SYN3: variants seen among roughly 807,000 people sequenced by gnomAD.
The protein encoded by SYN3 is synapsin III, also known as synapsin-3.
SYN3 carries 35 observed loss-of-function variants against 65.8 expected under a neutral mutation model. The ratio of observed to expected loss-of-function variants is 0.53; its 90% confidence interval spans 0.41 to 0.70. The LOEUF (loss-of-function observed/expected upper bound fraction) is 0.70, where lower values mean the gene tolerates loss of function less well. Ranked by LOEUF, SYN3 falls within the 30% of genes least tolerant of loss-of-function variation. SYN3 has a pLI of 0.00. For missense variants in SYN3, 680 were observed against 749.0 expected (o/e 0.91, Z 1.08); for synonymous variants, 270 against 292.9 (o/e 0.92, Z 0.80).
chr22:32,630,653 A>G (rs1192192815), intron 6 of SYN3, among the ~76,000 whole-genome samples: 1 of 152,230 alleles, frequency 6.6e-6, no homozygotes, highest in African/African-American at 2.4e-5. Context: ...AGATCAATAA[A>G]TGTTTATATA....
chr22:32,838,192 C>G (rs743751), intron 6 of SYN3, among the ~76,000 whole-genome samples: 15,900 of 152,232 alleles, frequency 0.1, 973 homozygotes, highest in African/African-American at 0.17. Flanking sequence ...CATAGTTCCT[C>G]AAATACTTCT....
At chr22:32,567,013 A>T (rs1326091431) in intron 7 of SYN3, among the ~76,000 whole-genome samples, 1 of 152,122 alleles carries the variant, frequency 6.6e-6, no homozygotes, top group Non-Finnish European at 1.5e-5. Context: ...ATGAACTTTG[A>T]TACAGGGGAA....
chr22:33,023,091 T>G (rs998118515), intron 1 of SYN3, among the ~76,000 whole-genome samples: 4 of 152,176 alleles, frequency 2.6e-5, no homozygotes, highest in Admixed American at 1.3e-4. Flanking sequence ...GGTTCATGCC[T>G]GTAATCCCAC....
At chr22:32,564,401 T>G (rs996583251) in intron 7 of SYN3, among the ~76,000 whole-genome samples, 2 of 152,198 alleles carry the variant, frequency 1.3e-5, no homozygotes, top group Non-Finnish European at 2.9e-5. Context: ...CCAAGGCTGC[T>G]TCTCTGTAAC....
At chr22:32,999,828 C>T (rs561514957) in intron 2 of SYN3, among the ~76,000 whole-genome samples, 2 of 152,052 alleles carry the variant, frequency 1.3e-5, no homozygotes, top group Admixed American at 6.6e-5. Context: ...ATTAATAAAA[C>T]GAGATGCATG....
At chr22:32,800,863 G>A (rs567736657) in intron 6 of SYN3, among the ~76,000 whole-genome samples, 17 of 152,310 alleles carry the variant, frequency 1.1e-4, no homozygotes, top group Non-Finnish European at 2.2e-4. Flanking sequence ...ACTTCTCAGC[G>A]AGGATGGCAC....
At chr22:32,974,106 A>C (rs1367619515) in intron 3 of SYN3, among the ~76,000 whole-genome samples, 1 of 152,218 alleles carries the variant, frequency 6.6e-6, no homozygotes, top group Non-Finnish European at 1.5e-5. Flanking sequence ...CCCATCTTAA[A>C]GAGGCATTGT....
At chr22:33,012,470 A>G (rs1311523676) in intron 1 of SYN3, among the ~76,000 whole-genome samples, 2 of 152,246 alleles carry the variant, frequency 1.3e-5, no homozygotes, top group East Asian at 3.8e-4. Flanking sequence ...AAGAATGCAT[A>G]TTTTGTGGTT....
chr22:32,614,663 A>G (rs2059490269), intron 6 of SYN3, among the ~76,000 whole-genome samples: 1 of 152,212 alleles, frequency 6.6e-6, no homozygotes, highest in South Asian at 2.1e-4. Flanking sequence ...ATTTCTAGTC[A>G]TCATCCTTCA....
intron 6 of SYN3, among the ~76,000 whole-genome samples, chr22:32,601,826 A>T (rs1188181562): frequency 6.6e-6 from 1 of 152,162 alleles, no homozygotes; most frequent in Non-Finnish European, 1.5e-5. Context: ...GTGGTGACTG[A>T]AGGGCCAGGG....
chr22:32,594,237 C>G (rs78980195), intron 7 of SYN3, among the ~76,000 whole-genome samples: 1 of 152,052 alleles, frequency 6.6e-6, no homozygotes, highest in East Asian at 1.9e-4. Flanking sequence ...TCCTGTGTAC[C>G]GGGTGCCACT....
intron 6 of SYN3, among the ~76,000 whole-genome samples, chr22:32,853,302 T>C (rs574364733): frequency 1.6e-3 from 245 of 152,326 alleles, no homozygotes; most frequent in African/African-American, 5.7e-3. Context: ...AGAAAGATCA[T>C]GGCCGTGATA....
intron 6 of SYN3, among the ~76,000 whole-genome samples, chr22:32,608,081 T>G (rs949633736): frequency 1.3e-5 from 2 of 152,236 alleles, no homozygotes; most frequent in Admixed American, 6.5e-5. Flanking sequence ...TATTTATTCT[T>G]GAGATGGAGT....
intron 4 of SYN3, among the ~76,000 whole-genome samples, chr22:32,927,373 T>C (rs2050503252): frequency 6.6e-6 from 1 of 151,020 alleles, no homozygotes; most frequent in Non-Finnish European, 1.5e-5. Context: ...CAATCAATTC[T>C]ACCAATTCAG....
intron 6 of SYN3, among the ~76,000 whole-genome samples, chr22:32,687,820 T>C (rs57967928): frequency 0.021 from 3,128 of 152,292 alleles, 114 homozygotes; most frequent in African/African-American, 0.071. Flanking sequence ...AAAGAATCCC[T>C]GTGGTCTCTG....
chr22:32,696,161 T>C (rs1433850145), intron 6 of SYN3, among the ~76,000 whole-genome samples: 1 of 152,182 alleles, frequency 6.6e-6, no homozygotes, highest in Non-Finnish European at 1.5e-5. Flanking sequence ...TCCTTCTCTT[T>C]TGAGGGGTCT....
chr22:32,875,992 C>T (rs1307994528), intron 4 of SYN3, among the ~76,000 whole-genome samples: 1 of 152,234 alleles, frequency 6.6e-6, no homozygotes, highest in African/African-American at 2.4e-5. Flanking sequence ...TTCTGGCGTA[C>T]ACCCATGCAT....
intron 1 of SYN3, among the ~76,000 whole-genome samples, chr22:33,034,247 G>T (rs7292646): frequency 0.53 from 79,457 of 151,090 alleles, 23,070 homozygotes; most frequent in African/African-American, 0.79. Flanking sequence ...TGTACTACTT[G>T]CTTTCTTTCT....
intron 6 of SYN3, among the ~76,000 whole-genome samples, chr22:32,688,138 G>A (rs1274003574): frequency 6.6e-6 from 1 of 152,156 alleles, no homozygotes; most frequent in Non-Finnish European, 1.5e-5. Flanking sequence ...AAACGCTTAC[G>A]TCTATATACA....
Sources: gnomAD v4.1 joint callset for allele counts (sites outside exome capture counted in the v4.1 genomes callset) on GRCh38, gnomAD v4.1.1 for gene constraint, MANE v1.5 for transcripts, NCBI Gene and HGNC (gene_info 2026-07-23, HGNC 2026-07-21) for gene names.